The following TBX15 variants were observed in gnomAD, a reference collection of about 807,000 sequenced individuals.
The protein encoded by TBX15 is T-box transcription factor 15.
In TBX15, 18 loss-of-function variants were observed where a neutral mutation model predicts 53.9. The ratio of observed to expected loss-of-function variants is 0.33; its 90% CI spans 0.23 to 0.49. TBX15 has a LOEUF of 0.49. TBX15 is among the 20% of genes least tolerant of loss of function. TBX15 has a pLI of 0.98. For missense variants in TBX15, 692 were observed against 749.5 expected (o/e 0.92, Z 0.90); for synonymous variants, 295 against 278.0 (o/e 1.06, Z -0.61).
At chr1:118,906,317 C>T (rs1043709471) in intron 6 of TBX15, among the ~76,000 whole-genome samples, 11 of 152,282 alleles carry the variant, frequency 7.2e-5, no homozygotes, top group East Asian at 1.9e-4. Context: ...CAAATTTTAA[C>T]GGAGATCCTC....
chr1:118,968,751 T>C (rs1451263613), intron 1 of TBX15, among the ~76,000 whole-genome samples: 4 of 152,058 alleles, frequency 2.6e-5, no homozygotes, highest in East Asian at 1.9e-4. Context: ...CCACTTCCCA[T>C]CTAAAGAGAA....
At chr1:118,984,170 C>G (rs1192166454) in intron 1 of TBX15, among the ~76,000 whole-genome samples, 2 of 151,946 alleles carry the variant, frequency 1.3e-5, no homozygotes, top group African/African-American at 4.8e-5. Context: ...CGGGTGCGTG[C>G]GAGAATGCGA....
chr1:118,884,569 A>T lies in TBX15; in HGVS notation c.*163T>A. 1.2e-6 allele frequency: 1 copy of T among 823,692 alleles called. No homozygotes were observed. The highest frequency in any genetic ancestry group is 1.8e-6 in the Non-Finnish European group (1 of 540,634). 51.0% of individuals were successfully genotyped at this position (823,692 alleles called of 1,614,324 possible). A position where few individuals can be genotyped will look rare whatever the true frequency, so the allele number is the denominator to read the frequency against. On this transcript the variant is annotated 3_prime_UTR_variant, in exon 8 of 8. Coordinates refer to ENST00000369429, the MANE Select transcript of TBX15 (RefSeq NM_001330677.2). Reference sequence around the variant, plus strand: ...TCGCAAGTATCCTTCACTGGCTTAAAGGTATCTCTTGTTCTTGGGTATATG... The same window carrying T: ...TCGCAAGTATCCTTCACTGGCTTAATGGTATCTCTTGTTCTTGGGTATATG...
chr1:118,923,313 C>T, intron 5 of TBX15, 123 bp downstream of exon 5: 1 of 1,262,962 alleles, frequency 7.9e-7, no homozygotes, highest in Non-Finnish European at 1.1e-6. Flanking sequence ...TAGTACTTAA[C>T]ATTTAGTGGA....
At position 118,885,061 on chromosome 1, in the gene TBX15, G is replaced by T. The variant is rs781509317; in HGVS notation, c.1480C>A (p.His494Asn). The change falls in exon 8 of 8, where the codon CAC becomes AAC. Residue 494 changes from histidine (H) to asparagine (N), a missense_variant. Transcript: ENST00000369429. ...TGCATGTGGCTGCCCCCGAACATGTGTGGTGATGAGGAGCTGGAGGCAGCA... is the reference window on the plus strand; with the variant it reads ...TGCATGTGGCTGCCCCCGAACATGTTTGGTGATGAGGAGCTGGAGGCAGCA... ...GNAASSSSSPHMFGGSHMQQS... is the reference protein window; with the variant it reads ...GNAASSSSSPNMFGGSHMQQS... 1.2e-6 allele frequency: 2 copies of T among 1,614,178 alleles called. No homozygotes were observed. Among genetic ancestry groups the T allele is most frequent in the Admixed American group, 3.3e-5 (2 of 60,024 alleles).
chr1:118,884,593 T>G lies in TBX15; in HGVS notation c.*139A>C. The G allele has an allele frequency of 1.9e-6, 2 of 1,059,368 alleles. No homozygotes were observed. The highest frequency in any genetic ancestry group is 2.7e-6 in the Non-Finnish European group (2 of 748,544). 65.6% of individuals were successfully genotyped at this position (1,059,368 alleles called of 1,614,324 possible). The stretch of plus-strand genomic sequence containing the variant: ...AAGGTATCTCTTGTTCTTGGGTATA[T>G]GTCTTCGGCCAGAAAAAAAAAAAAA... On this transcript the variant is annotated 3_prime_UTR_variant, in exon 8 of 8. Coordinates refer to ENST00000369429, the MANE Select transcript of TBX15 (RefSeq NM_001330677.2).
chr1:118,980,507 T>C (rs754350928), intron 1 of TBX15, among the ~76,000 whole-genome samples: 5 of 152,226 alleles, frequency 3.3e-5, no homozygotes, highest in Admixed American at 6.5e-5. Flanking sequence ...GGCAACTATA[T>C]TGTAGAAAAT....
At chr1:118,936,306 A>T (rs1260492376) in intron 1 of TBX15, among the ~76,000 whole-genome samples, 1 of 152,172 alleles carries the variant, frequency 6.6e-6, no homozygotes, top group Non-Finnish European at 1.5e-5. Context: ...AATTGCATAC[A>T]CTTTTAGTCT....
chr1:118,987,407 A>T (rs1439169548), intron 1 of TBX15, among the ~76,000 whole-genome samples, 184 bp downstream of exon 1: 1 of 152,264 alleles, frequency 6.6e-6, no homozygotes, highest in African/African-American at 2.4e-5. Flanking sequence ...GGCTCAGTCC[A>T]GCCCCAAAAA....
At chr1:118,978,100 C>T (rs1023292896) in intron 1 of TBX15, among the ~76,000 whole-genome samples, 3 of 152,222 alleles carry the variant, frequency 2.0e-5, no homozygotes. Context: ...CTTTCAACAG[C>T]GTTCACGCAA....
chr1:118,905,543 A>G (rs1654788179), intron 6 of TBX15, among the ~76,000 whole-genome samples: 1 of 152,250 alleles, frequency 6.6e-6, no homozygotes, highest in Non-Finnish European at 1.5e-5. Context: ...GTCCAGCTGG[A>G]TCATCTGCCA....
In TBX15 at chr1:118,988,187, T is replaced by TC. The variant is rs1382374851; in HGVS notation, c.-393dup. 2 of 195,030 alleles carry TC rather than the reference T, an allele frequency of 1.0e-5. No individual in the cohort carries two copies. Among genetic ancestry groups the TC allele is most frequent in the East Asian group, 2.8e-4 (2 of 7,186 alleles). The allele number at this position is 195,030 out of a possible 1,614,324, so 12.1% of individuals were successfully genotyped here. The stretch of plus-strand genomic sequence containing the variant: ...TCTCTCTCTCCCCTCCCTCTCTTTT[T>TC]CTCTCCTCCCCCTCTCTCTCTCTTC... On this transcript the variant is annotated 5_prime_UTR_variant, in exon 1 of 8. Transcript: ENST00000369429.
At chr1:118,984,448 G>A (rs1372464025) in intron 1 of TBX15, among the ~76,000 whole-genome samples, 2 of 152,392 alleles carry the variant, frequency 1.3e-5, no homozygotes, top group South Asian at 2.1e-4. Flanking sequence ...ACTCCGGGTG[G>A]AGCAGGGGCT....
intron 6 of TBX15, among the ~76,000 whole-genome samples, chr1:118,909,871 G>A (rs1164441544): frequency 1.3e-5 from 2 of 152,144 alleles, no homozygotes; most frequent in Non-Finnish European, 2.9e-5. Context: ...ATGAGCCACC[G>A]CACCCTGCCA....
intron 1 of TBX15, among the ~76,000 whole-genome samples, chr1:118,937,636 G>A (rs1656011814): frequency 6.6e-6 from 1 of 152,244 alleles, no homozygotes; most frequent in South Asian, 2.1e-4. Context: ...TAGATGCACA[G>A]TGTTACTTCT....
At position 118,931,771 on chromosome 1, in the gene TBX15, G is replaced by A; in HGVS notation, c.267C>T (p.Phe89=). Residue 89 remains phenylalanine, a synonymous_variant, in exon 2 of 8, where the codon TTC becomes TTT. Coordinates refer to ENST00000369429, the MANE Select transcript of TBX15 (RefSeq NM_001330677.2). ...EVLTERTSCS[F]STHTDLASGA... is the part of the protein sequence containing the mutation. ...CAGAGGCCAGGTCAGTGTGAGTACT[G>A]AAGGAGCAGGAAGTCCGCTCAGTGA... 6.2e-7 allele frequency: 1 copy of A among 1,610,448 alleles called. No individual in the cohort carries two copies. Among genetic ancestry groups the A allele is most frequent in the Middle Eastern group, 1.7e-4 (1 of 6,050 alleles).
At chr1:118,887,837 C>T (rs929001131) in intron 7 of TBX15, among the ~76,000 whole-genome samples, 7 of 152,058 alleles carry the variant, frequency 4.6e-5, no homozygotes, top group Non-Finnish European at 8.8e-5. Context: ...GTTCATCTTA[C>T]ATCCATGGGC....
At chr1:118,926,687 G>A in intron 2 of TBX15, 76 bp from the exon 3 acceptor site, 2 of 1,266,860 alleles carry the variant, frequency 1.6e-6, no homozygotes, top group South Asian at 1.2e-5. Context: ...TAAACAATGT[G>A]GGTTTTTTTG....
At chr1:118,912,751 TA>T (rs1655064009) in intron 6 of TBX15, among the ~76,000 whole-genome samples, 3 of 152,212 alleles carry the variant, frequency 2.0e-5, no homozygotes, top group Admixed American at 2.0e-4. Context: ...CCTCACTGGC[TA>T]AATTTTGAAA....
Sources: allele counts gnomAD v4.1 joint callset (sites outside exome capture counted in the v4.1 genomes callset), GRCh38; gene constraint gnomAD v4.1.1; transcripts MANE v1.5; gene names NCBI Gene and HGNC (gene_info 2026-07-23, HGNC 2026-07-21).